UBE2W: variants seen among roughly 807,000 people sequenced by gnomAD.
UBE2W encodes the protein ubiquitin-conjugating enzyme E2 W.
In UBE2W, 18 loss-of-function variants were observed where a neutral mutation model predicts 27.2. The observed-to-expected ratio is 0.66, with a 90% CI of 0.46 to 0.98. The LOEUF (loss-of-function observed/expected upper bound fraction) is 0.98, where lower values mean the gene tolerates loss of function less well. Ranked by LOEUF, UBE2W falls within the 50% of genes least tolerant of loss-of-function variation. UBE2W has a pLI of 0.00. For missense variants in UBE2W, 90 were observed against 180.2 expected, an observed-to-expected ratio of 0.50 and a Z score of 2.87; for synonymous variants, 53 against 57.2, an observed-to-expected ratio of 0.93 and a Z score of 0.33.
Position 73,805,454 on chromosome 8 carries a change from C to CAAAAAAAAAAAAAAAAAAAAAAAAAAAA in UBE2W, c.442+196_442+197insTTTTTTTTTTTTTTTTTTTTTTTTTTTT, listed in dbSNP as rs1162712227. On this transcript the variant is annotated intron_variant, in intron 5 of 5. Coordinates refer to ENST00000602593, the MANE Select transcript of UBE2W (RefSeq NM_018299.6). ...GGGCAACAAGAGCAAAACTCCATCT[C>CAAAAAAAAAAAAAAAAAAAAAAAAAAAA]AAAAAAAAAAAAAAAAACAAAAAAA... Among the ~76,000 whole-genome samples the CAAAAAAAAAAAAAAAAAAAAAAAAAAAA allele has an allele frequency of 2.4e-3, 35 of 14,576 alleles. 5 individuals are homozygous for CAAAAAAAAAAAAAAAAAAAAAAAAAAAA. Among genetic ancestry groups the CAAAAAAAAAAAAAAAAAAAAAAAAAAAA allele is most frequent in the Non-Finnish European group, 3.2e-3 (25 of 7,758 alleles). 9.6% of individuals were successfully genotyped at this position (14,576 alleles called of 152,430 possible).
At chr8:73,864,116 G>A (rs1811644480) in intron 1 of UBE2W, among the ~76,000 whole-genome samples, 2 of 151,962 alleles carry the variant, frequency 1.3e-5, no homozygotes, top group Admixed American at 1.3e-4. Flanking sequence ...AAATACAGCT[G>A]GGCAGAGTGG....
intron 1 of UBE2W, among the ~76,000 whole-genome samples, chr8:73,863,807 C>T (rs981634768): frequency 1.1e-3 from 166 of 151,754 alleles, no homozygotes; most frequent in African/African-American, 3.9e-3. Context: ...AGGATGCATT[C>T]CAGAGCAATT....
At chr8:73,827,267 G>A (rs548009392) in intron 2 of UBE2W, among the ~76,000 whole-genome samples, 42 of 152,024 alleles carry the variant, frequency 2.8e-4, no homozygotes, top group Non-Finnish European at 4.4e-4. Context: ...AGGCTGGAGT[G>A]CAATGGCGTG....
intron 1 of UBE2W, among the ~76,000 whole-genome samples, chr8:73,843,969 C>G (rs1218709276): frequency 6.6e-6 from 1 of 151,980 alleles, no homozygotes; most frequent in African/African-American, 2.4e-5. Context: ...AGCCTGGCAA[C>G]AGAGCAAGAC....
rs142246702 is a variant in UBE2W at position 73,835,172 on chromosome 8, A to C, written c.16-4700T>G. ...GACAACAAAAGCAAACTAAACTAAAAAAGCGCTTTATTGGTATATCATCCC... is the reference window on the plus strand; with the variant it reads ...GACAACAAAAGCAAACTAAACTAAACAAGCGCTTTATTGGTATATCATCCC... On this transcript the variant is annotated intron_variant, in intron 1 of 5. Transcript: ENST00000602593. Among the ~76,000 whole-genome samples, 467 of 152,208 alleles carry C rather than the reference A, an allele frequency of 3.1e-3. 1 individual carries two copies. The highest frequency in any genetic ancestry group is 6.8e-3 in the Middle Eastern group (2 of 294).
chr8:73,795,005 A>T (rs1016406560), intron 5 of UBE2W, among the ~76,000 whole-genome samples: 2 of 152,136 alleles, frequency 1.3e-5, no homozygotes, highest in African/African-American at 4.8e-5. Context: ...AGACAACTTT[A>T]GGATTATTTA....
chr8:73,790,206 T>C lies in UBE2W; in HGVS notation c.*3896A>G. Reference sequence around the variant, plus strand: ...CAGAAAAAAAAAAGAGAGAATAAATTAGAAGTGAGAAAAGGAAACTGCGGA... The same window carrying C: ...CAGAAAAAAAAAAGAGAGAATAAATCAGAAGTGAGAAAAGGAAACTGCGGA... On this transcript the variant is annotated 3_prime_UTR_variant, in exon 6 of 6. Coordinates refer to ENST00000602593, the MANE Select transcript of UBE2W (RefSeq NM_018299.6). 1.0e-6 allele frequency: 1 copy of C among 984,260 alleles called. No homozygotes were observed. The highest frequency in any genetic ancestry group is 1.2e-6 in the Non-Finnish European group (1 of 829,602). The allele number at this position is 984,260 out of a possible 1,614,324, so 61.0% of individuals were successfully genotyped here.
At chr8:73,817,040 A>G (rs1019312791) in intron 3 of UBE2W, among the ~76,000 whole-genome samples, 1 of 151,868 alleles carries the variant, frequency 6.6e-6, no homozygotes, top group Non-Finnish European at 1.5e-5. Flanking sequence ...TCTCAATAAA[A>G]AGTGCCCAGG....
At chr8:73,797,803 AT>A (rs1025138743) in intron 5 of UBE2W, among the ~76,000 whole-genome samples, 3 of 152,156 alleles carry the variant, frequency 2.0e-5, no homozygotes, top group Non-Finnish European at 4.4e-5. Context: ...GTGCCAATTC[AT>A]TTCCTATGAG....
At chr8:73,800,370 G>A (rs1465801902) in intron 5 of UBE2W, among the ~76,000 whole-genome samples, 3 of 151,906 alleles carry the variant, frequency 2.0e-5, no homozygotes, top group African/African-American at 4.8e-5. Flanking sequence ...CAAGCAAGAG[G>A]AGAAAATATA....
At chr8:73,798,168 T>C (rs1360098301) in intron 5 of UBE2W, among the ~76,000 whole-genome samples, 4 of 152,074 alleles carry the variant, frequency 2.6e-5, no homozygotes, top group Non-Finnish European at 4.4e-5. Context: ...TGGTGGTACG[T>C]TGTCTGTAGT....
chr8:73,794,814 A>G lies in UBE2W; in HGVS notation c.443-699T>C, dbSNP rs1189773221. Among the ~76,000 whole-genome samples, 2 of 150,184 alleles carry G rather than the reference A, an allele frequency of 1.3e-5. 1 individual carries two copies. Among genetic ancestry groups the G allele is most frequent in the Non-Finnish European group, 3.0e-5 (2 of 67,556 alleles). ...GCTACTCAGGAGGCTGAGGCAAGGGAATCGCTTCAACCTGAGAGGCAGAGG... is the reference window on the plus strand; with the variant it reads ...GCTACTCAGGAGGCTGAGGCAAGGGGATCGCTTCAACCTGAGAGGCAGAGG... On this transcript the variant is annotated intron_variant, in intron 5 of 5. Coordinates refer to ENST00000602593, the MANE Select transcript of UBE2W (RefSeq NM_018299.6).
chr8:73,818,551 T>C (rs1809483798), intron 3 of UBE2W, among the ~76,000 whole-genome samples: 1 of 152,236 alleles, frequency 6.6e-6, no homozygotes, highest in African/African-American at 2.4e-5. Flanking sequence ...ATGTCCTATA[T>C]AATCTGTGAT....
Position 73,788,030 on chromosome 8 carries a change from CTT to C in UBE2W, c.*6070_*6071del. 1 of 985,368 alleles carries C rather than the reference CTT, an allele frequency of 1.0e-6. No homozygotes were observed. The highest frequency in any genetic ancestry group is 1.2e-6 in the Non-Finnish European group (1 of 829,912). The allele number at this position is 985,368 out of a possible 1,614,324, so 61.0% of individuals were successfully genotyped here. A position where few individuals can be genotyped will look rare whatever the true frequency, so the allele number is the denominator to read the frequency against. ...TTTCTATAATCCTTTAAAATTCAGT[CTT>C]TTGTGAAGAGAAACTACTGTACAAA... On this transcript the variant is annotated 3_prime_UTR_variant, in exon 6 of 6. Coordinates refer to ENST00000602593, the MANE Select transcript of UBE2W (RefSeq NM_018299.6).
At chr8:73,816,010 G>A (rs762146606) in intron 3 of UBE2W, among the ~76,000 whole-genome samples, 1 of 152,070 alleles carries the variant, frequency 6.6e-6, no homozygotes, top group Non-Finnish European at 1.5e-5. Flanking sequence ...TACCATAAAC[G>A]GTATTTGACA....
chr8:73,819,467 T>C (rs116167470), intron 3 of UBE2W, among the ~76,000 whole-genome samples: 2,203 of 152,280 alleles, frequency 0.014, 63 homozygotes, highest in African/African-American at 0.05. Context: ...CCAATGCCTT[T>C]TAAAACTCTG....
At chr8:73,840,191 G>C (rs1356577029) in intron 1 of UBE2W, among the ~76,000 whole-genome samples, 1 of 152,006 alleles carries the variant, frequency 6.6e-6, no homozygotes, top group Non-Finnish European at 1.5e-5. Context: ...TGAGTAGCTG[G>C]GACTACAGGT....
In UBE2W at chr8:73,792,874, A is replaced by G. The variant is rs1165208172; in HGVS notation, c.*1228T>C. On this transcript the variant is annotated 3_prime_UTR_variant, in exon 6 of 6. Coordinates refer to ENST00000602593, the MANE Select transcript of UBE2W (RefSeq NM_018299.6). The stretch of plus-strand genomic sequence containing the variant: ...AAAACAAAACCCTCCAGGAAAAACT[A>G]TATGGCTGTGTGAGACAAATAAGCA... 2 of 985,620 alleles carry G rather than the reference A, an allele frequency of 2.0e-6. No individual in the cohort carries two copies. Among genetic ancestry groups the G allele is most frequent in the Non-Finnish European group, 1.2e-6 (1 of 829,874 alleles). 61.1% of individuals were successfully genotyped at this position (985,620 alleles called of 1,614,324 possible).
chr8:73,855,544 G>A (rs1326554555), intron 1 of UBE2W, among the ~76,000 whole-genome samples: 1 of 151,854 alleles, frequency 6.6e-6, no homozygotes, highest in Non-Finnish European at 1.5e-5. Context: ...TGGGCTTACA[G>A]ATGCACGCCA....
Sources: allele counts gnomAD v4.1 joint callset (sites outside exome capture counted in the v4.1 genomes callset), GRCh38; gene constraint gnomAD v4.1.1; transcripts MANE v1.5; gene names NCBI Gene and HGNC (gene_info 2026-07-23, HGNC 2026-07-21).